The following CCDC3 variants were observed in gnomAD, a reference collection of about 807,000 sequenced individuals.
The protein encoded by CCDC3 is coiled-coil domain containing 3.
A neutral mutation model predicts 21.4 loss-of-function variants in CCDC3; 24 were observed. The ratio of observed to expected loss-of-function variants is 1.12; its 90% CI spans 0.81 to 1.58. The LOEUF is 1.58. CCDC3 is among the 40% of genes most tolerant of loss of function. The pLI, the probability that CCDC3 is intolerant of heterozygous loss-of-function variation, is 0.00. For missense variants in CCDC3, 425 were observed against 360.9 expected (o/e 1.18, Z -1.44); for synonymous variants, 186 against 166.0 (o/e 1.12, Z -0.93).
chr10:12,956,494 T>C (rs944794899), intron 2 of CCDC3, among the ~76,000 whole-genome samples: 1 of 152,204 alleles, frequency 6.6e-6, no homozygotes, highest in African/African-American at 2.4e-5. Flanking sequence ...ACCCTCCTCA[T>C]GGTATTGTGC....
chr10:12,953,068 C>T (rs772112837), intron 2 of CCDC3, among the ~76,000 whole-genome samples: 22 of 147,910 alleles, frequency 1.5e-4, no homozygotes, highest in Non-Finnish European at 2.4e-4. Context: ...AAGACGTACC[C>T]GAGACTGGGT....
At chr10:12,931,883 C>T (rs1031141149) in intron 2 of CCDC3, among the ~76,000 whole-genome samples, 1 of 152,194 alleles carries the variant, frequency 6.6e-6, no homozygotes, top group Non-Finnish European at 1.5e-5. Flanking sequence ...AAGTAAAACT[C>T]AGAGGATTTG....
upstream of CCDC3, among the ~76,000 whole-genome samples, chr10:13,006,187 A>G (rs765814850): frequency 6.6e-6 from 1 of 152,270 alleles, no homozygotes; most frequent in Non-Finnish European, 1.5e-5. Context: ...GATAGAGAGC[A>G]GGAGAATTGA....
intron 2 of CCDC3, among the ~76,000 whole-genome samples, chr10:12,963,893 T>A (rs1835218299): frequency 6.6e-6 from 1 of 152,090 alleles, no homozygotes; most frequent in African/African-American, 2.4e-5. Context: ...TGAACTCCAG[T>A]TTTCTTAAAG....
intron 2 of CCDC3, among the ~76,000 whole-genome samples, chr10:12,989,655 C>G (rs1164071306): frequency 2.6e-5 from 4 of 152,158 alleles, no homozygotes; most frequent in African/African-American, 9.7e-5. Context: ...CTCCTGATCT[C>G]AAGTGATCAG....
Position 12,983,139 on chromosome 10 carries a change from TATATATATATATATATATATA to T in CCDC3, c.549+15178_549+15198del, listed in dbSNP as rs1564308461. 2.1e-3 allele frequency among the ~76,000 whole-genome samples: 39 copies of T among 18,414 alleles called. 1 individual carries two copies. The highest frequency in any genetic ancestry group is 5.0e-4 in the Non-Finnish European group (3 of 6,036). 12.1% of individuals were successfully genotyped at this position (18,414 alleles called of 152,430 possible). A position where few individuals can be genotyped will look rare whatever the true frequency, so the allele number is the denominator to read the frequency against. On this transcript the variant is annotated intron_variant, in intron 2 of 2. Coordinates refer to ENST00000378825, the MANE Select transcript of CCDC3 (RefSeq NM_031455.4). ...AAATAAATAAAATAGTGTATATATA[TATATATATATATATATATATA>T]TATATATATATATAAAATCTATAGC... is the stretch of plus-strand genomic sequence containing the variant.
chr10:12,960,393 A>G (rs981648537), intron 2 of CCDC3, among the ~76,000 whole-genome samples: 5 of 152,168 alleles, frequency 3.3e-5, no homozygotes, highest in East Asian at 1.9e-4. Context: ...CGGAGGCGGG[A>G]GAGAGACAGT....
rs1834058891 is a variant in CCDC3, at chr10:12,899,307, A to AT, written c.550-629dup. 3.9e-5 allele frequency among the ~76,000 whole-genome samples: 6 copies of AT among 152,300 alleles called. No individual in the cohort carries two copies. The South Asian group carries it at 1.2e-3, about 32-fold the overall frequency. Reference sequence around the variant, plus strand: ...CAAATGAAAGCCATGGTGAATTACTATTTTTCACATATTAGATTGGCAAAA... The same window carrying AT: ...CAAATGAAAGCCATGGTGAATTACTATTTTTTCACATATTAGATTGGCAAAA... On this transcript the variant is annotated intron_variant, in intron 2 of 2. Transcript: ENST00000378825.
chr10:12,908,616 T>C (rs946310008), intron 2 of CCDC3, among the ~76,000 whole-genome samples: 1 of 150,800 alleles, frequency 6.6e-6, no homozygotes, highest in Non-Finnish European at 1.5e-5. Context: ...ATTTTTCTTT[T>C]TTTTTTTTTT....
intron 2 of CCDC3, among the ~76,000 whole-genome samples, chr10:12,928,661 C>T (rs541313835): frequency 2.6e-5 from 4 of 152,294 alleles, no homozygotes; most frequent in African/African-American, 9.6e-5. Context: ...GTCAACCGAC[C>T]TCCCAGCCTG....
At chr10:12,941,034 T>C (rs1834821947) in intron 2 of CCDC3, among the ~76,000 whole-genome samples, 2 of 152,348 alleles carry the variant, frequency 1.3e-5, no homozygotes, top group African/African-American at 4.8e-5. Flanking sequence ...TGAGACCTAC[T>C]GGGCTGCATT....
At position 12,898,463 on chromosome 10, in the gene CCDC3, G is replaced by A. The variant is rs781056077; in HGVS notation, c.766C>T (p.His256Tyr). ...SEKLAAGALP[H>Y]INARGPVRPP... is the part of the protein sequence containing the mutation. ...CGCACGGGCCCCCGGGCATTGATGT[G>A]CGGCAGCGCGCCCGCCGCCAGCTTC... is the stretch of plus-strand genomic sequence containing the variant. Residue 256 changes from histidine to tyrosine, a missense_variant, in exon 3 of 3, where the codon CAC becomes TAC. His to Tyr is a moderately conservative substitution (Grantham distance 83). Coordinates refer to ENST00000378825, the MANE Select transcript of CCDC3 (RefSeq NM_031455.4). 1 of 1,612,178 alleles carries A rather than the reference G, an allele frequency of 6.2e-7. No homozygotes were observed.
At chr10:13,055,129 T>C (rs1836664660) in intron 4 of CCDC3, among the ~76,000 whole-genome samples, 1 of 152,210 alleles carries the variant, frequency 6.6e-6, no homozygotes, top group South Asian at 2.1e-4. Context: ...CAGGTGGTGC[T>C]GGCCTTTGGC....
rs79505017 is a variant in CCDC3 at position 12,911,664 on chromosome 10, G to A, written c.550-12985C>T. On this transcript the variant is annotated intron_variant, in intron 2 of 2. Transcript: ENST00000378825. ...GTATCACCTCACATACCATTTTTTT[G>A]TAGTGAGAACACTTAAAATCTATTT... Among the ~76,000 whole-genome samples the A allele has an allele frequency of 1.3e-3, 195 of 152,138 alleles. 3 individuals are homozygous for A. In the East Asian group the frequency reaches 0.026, roughly 20 times the overall value.
At chr10:13,040,929 T>C (rs533441758) in intron 5 of CCDC3, among the ~76,000 whole-genome samples, 13 of 152,268 alleles carry the variant, frequency 8.5e-5, no homozygotes, top group African/African-American at 2.9e-4. Context: ...ACCTATAGAT[T>C]TACTCTTTTA....
chr10:13,011,286 C>A (rs542191483), intron 5 of CCDC3, among the ~76,000 whole-genome samples: 2 of 151,566 alleles, frequency 1.3e-5, no homozygotes, highest in Non-Finnish European at 2.9e-5. Flanking sequence ...ATCTAGAAAA[C>A]CTCATAGTCT....
At chr10:13,080,716 C>A (rs1837028488) in intron 3 of CCDC3, among the ~76,000 whole-genome samples, 1 of 152,240 alleles carries the variant, frequency 6.6e-6, no homozygotes, top group Non-Finnish European at 1.5e-5. Flanking sequence ...AAGTTTCCAC[C>A]TCCAGTGGCT....
At chr10:13,085,029 G>A (rs1201968869) in intron 3 of CCDC3, among the ~76,000 whole-genome samples, 1 of 152,122 alleles carries the variant, frequency 6.6e-6, no homozygotes, top group Non-Finnish European at 1.5e-5. Flanking sequence ...ACCCAGGCAG[G>A]GAAGAAGAGA....
chr10:12,981,681 T>C lies in CCDC3; in HGVS notation c.549+16657A>G, dbSNP rs148173358. On this transcript the variant is annotated intron_variant, in intron 2 of 2. Transcript: ENST00000378825. ...TGCTGACTTTTTGGCACAGGTGCTA[T>C]TACTGAGGGCATCTATGAAGTAGTC... 6.0e-4 allele frequency among the ~76,000 whole-genome samples: 91 copies of C among 152,304 alleles called. 3 individuals carry two copies. In the East Asian group the frequency reaches 0.017, roughly 28 times the overall value.
Sources: gnomAD v4.1 joint callset for allele counts (sites outside exome capture counted in the v4.1 genomes callset) on GRCh38, gnomAD v4.1.1 for gene constraint, MANE v1.5 for transcripts, NCBI Gene and HGNC (gene_info 2026-07-23, HGNC 2026-07-21) for gene names.